The following SCHIP1 variants were observed in gnomAD, a reference collection of about 807,000 sequenced individuals.
The protein encoded by SCHIP1 is schwannomin interacting protein 1, also known as schwannomin-interacting protein 1.
A neutral mutation model predicts 29.7 loss-of-function variants in SCHIP1; 8 were observed. The ratio of observed to expected loss-of-function variants is 0.27; its 90% CI spans 0.16 to 0.49. The LOEUF is 0.49. Among genes scored for constraint, SCHIP1 ranks in the 20% least tolerant of loss-of-function variants. The pLI, the probability that SCHIP1 is intolerant of heterozygous loss-of-function variation, is 0.99. For missense variants in SCHIP1, 193 were observed against 294.6 expected (o/e 0.66, Z 2.52); for synonymous variants, 76 against 94.9 (o/e 0.80, Z 1.16).
the SCHIP1 span, among the ~76,000 whole-genome samples, chr3:159,810,025 TACCGTA>T: frequency 6.6e-6 from 1 of 152,196 alleles, no homozygotes; most frequent in Admixed American, 6.5e-5. Flanking sequence ...ATAATTTACA[TACCGTA>T]AAATTCACCT....
intron 2 of SCHIP1, among the ~76,000 whole-genome samples, chr3:159,883,484 T>A (rs1399409144): frequency 6.6e-6 from 1 of 152,126 alleles, no homozygotes; most frequent in African/African-American, 2.4e-5. Context: ...CACAGAGGCC[T>A]TCAGCAGCAC....
the SCHIP1 span, among the ~76,000 whole-genome samples, chr3:159,384,858 A>T: frequency 5.3e-5 from 8 of 152,120 alleles, no homozygotes; most frequent in Non-Finnish European, 1.0e-4. Flanking sequence ...TTGTCAAGGA[A>T]TTTATCCATT....
chr3:159,516,710 T>A, the SCHIP1 span, among the ~76,000 whole-genome samples: 2 of 152,142 alleles, frequency 1.3e-5, no homozygotes, highest in African/African-American at 4.8e-5. Context: ...CGAATCTTTT[T>A]TTCCATCTTG....
the SCHIP1 span, among the ~76,000 whole-genome samples, chr3:159,579,814 G>A: frequency 1.3e-5 from 2 of 152,122 alleles, no homozygotes; most frequent in South Asian, 2.1e-4. Flanking sequence ...ACTGATGTTG[G>A]CAGTATTGAG....
the SCHIP1 span, among the ~76,000 whole-genome samples, chr3:159,282,376 G>T: frequency 4.0e-5 from 6 of 151,708 alleles, no homozygotes; most frequent in Non-Finnish European, 4.4e-5. Context: ...GTTTCACTGA[G>T]ATTTTATGTG....
At chr3:159,383,204 T>C in the SCHIP1 span, among the ~76,000 whole-genome samples, 2 of 150,844 alleles carry the variant, frequency 1.3e-5, no homozygotes, top group Non-Finnish European at 3.0e-5. Flanking sequence ...CTGAATGGTA[T>C]TGCCTAGGTT....
chr3:159,389,277 T>A, the SCHIP1 span, among the ~76,000 whole-genome samples: 7 of 152,094 alleles, frequency 4.6e-5, no homozygotes, highest in Admixed American at 4.6e-4. Flanking sequence ...ATTTATTTAA[T>A]CCTCACAAAA....
chr3:159,428,984 G>A, the SCHIP1 span, among the ~76,000 whole-genome samples: 3 of 150,184 alleles, frequency 2.0e-5, no homozygotes, highest in African/African-American at 7.4e-5. Flanking sequence ...CTCATAGGTG[G>A]GAATTGAACA....
the SCHIP1 span, among the ~76,000 whole-genome samples, chr3:159,345,044 A>T: frequency 6.6e-6 from 1 of 152,024 alleles, no homozygotes; most frequent in African/African-American, 2.4e-5. Flanking sequence ...CCTGGCCAAG[A>T]TGGTGAAACC....
the SCHIP1 span, among the ~76,000 whole-genome samples, chr3:159,376,472 G>A: frequency 4.6e-5 from 7 of 152,124 alleles, no homozygotes; most frequent in African/African-American, 1.7e-4. Context: ...TCATCCTGGA[G>A]CCAATTGATT....
chr3:159,383,191 G>A, the SCHIP1 span, among the ~76,000 whole-genome samples: 4 of 150,748 alleles, frequency 2.7e-5, no homozygotes, highest in African/African-American at 9.8e-5. Context: ...CCATGCCTAT[G>A]TCCTGAATGG....
chr3:159,371,555 A>C, the SCHIP1 span, among the ~76,000 whole-genome samples: 1 of 152,202 alleles, frequency 6.6e-6, no homozygotes, highest in Non-Finnish European at 1.5e-5. Context: ...AAAGTTAAAA[A>C]GAAATAGTGT....
chr3:159,810,376 T>A, the SCHIP1 span, among the ~76,000 whole-genome samples: 1 of 152,186 alleles, frequency 6.6e-6, no homozygotes, highest in Non-Finnish European at 1.5e-5. Flanking sequence ...GCACAGTGAT[T>A]TTTAGTAAGC....
the SCHIP1 span, among the ~76,000 whole-genome samples, chr3:159,399,537 T>A: frequency 6.6e-6 from 1 of 152,182 alleles, no homozygotes; most frequent in African/African-American, 2.4e-5. Context: ...CTCCATTTTA[T>A]TGACTTACTG....
the SCHIP1 span, among the ~76,000 whole-genome samples, chr3:159,738,505 C>T: frequency 1.3e-5 from 2 of 152,216 alleles, no homozygotes; most frequent in African/African-American, 2.4e-5. Flanking sequence ...TTATTTTTAG[C>T]GTCTTAGTGC....
At chr3:159,887,993 C>A in intron 4 of SCHIP1, 88 bp downstream of exon 5, 1 of 1,527,098 alleles carries the variant, frequency 6.5e-7, no homozygotes, top group Non-Finnish European at 8.8e-7. Flanking sequence ...ATTATGCAAA[C>A]TTGTGTTTCT....
the SCHIP1 span, among the ~76,000 whole-genome samples, chr3:159,517,481 A>G: frequency 6.6e-6 from 1 of 152,274 alleles, no homozygotes; most frequent in Non-Finnish European, 1.5e-5. Flanking sequence ...TTTCAAAAAA[A>G]TTTTGTGATA....
At chr3:159,640,674 T>C in the SCHIP1 span, among the ~76,000 whole-genome samples, 1 of 152,114 alleles carries the variant, frequency 6.6e-6, no homozygotes, top group Non-Finnish European at 1.5e-5. Context: ...GGCCAGGCCA[T>C]GAGAAGGCAC....
chr3:159,430,278 A>G, the SCHIP1 span, among the ~76,000 whole-genome samples: 6 of 152,178 alleles, frequency 3.9e-5, no homozygotes, highest in Non-Finnish European at 7.4e-5. Context: ...ATTATTTTCT[A>G]ATGGAAAAAA....
Sources: gnomAD v4.1 joint callset for allele counts (sites outside exome capture counted in the v4.1 genomes callset) on GRCh38, gnomAD v4.1.1 for gene constraint, MANE v1.5 for transcripts, NCBI Gene and HGNC (gene_info 2026-07-23, HGNC 2026-07-21) for gene names.